Variants in RIMS2 observed in about 807,000 individuals in gnomAD.
The protein encoded by RIMS2 is regulating synaptic membrane exocytosis 2.
RIMS2 carries 59 observed loss-of-function variants against 174.4 expected under a neutral mutation model. The ratio of observed to expected loss-of-function variants is 0.34; its 90% CI spans 0.27 to 0.42. The LOEUF (loss-of-function observed/expected upper bound fraction) is 0.42, where lower values mean the gene tolerates loss of function less well. RIMS2 is among the 10% of genes least tolerant of loss of function. The pLI, the probability that RIMS2 is intolerant of heterozygous loss-of-function variation, is 1.00. For missense variants in RIMS2, 1,620 were observed against 1,666.3 expected, an observed-to-expected ratio of 0.97 and a Z score of 0.48; for synonymous variants, 606 against 572.5, an observed-to-expected ratio of 1.06 and a Z score of -0.84.
At chr8:103,711,430 T>C (rs2097301980) in intron 2 of RIMS2, among the ~76,000 whole-genome samples, 2 of 152,242 alleles carry the variant, frequency 1.3e-5, no homozygotes, top group African/African-American at 4.8e-5. Context: ...GATGGCCATT[T>C]GTGAATCATT....
intron 1 of RIMS2, among the ~76,000 whole-genome samples, chr8:103,602,562 G>C (rs1284395450): frequency 6.6e-6 from 1 of 152,104 alleles, no homozygotes; most frequent in Non-Finnish European, 1.5e-5. Flanking sequence ...GCAGTATTTG[G>C]CTTTCTGTTC....
chr8:104,010,684 A>G (rs2095731754), intron 17 of RIMS2, among the ~76,000 whole-genome samples: 1 of 152,174 alleles, frequency 6.6e-6, no homozygotes, highest in South Asian at 2.1e-4. Flanking sequence ...AACTATTCAA[A>G]AAATGTAACA....
chr8:103,728,305 A>C (rs77816374), intron 2 of RIMS2, among the ~76,000 whole-genome samples: 1 of 152,092 alleles, frequency 6.6e-6, no homozygotes, highest in African/African-American at 2.4e-5. Context: ...AACTTTACTG[A>C]ATTTATCAGT....
chr8:104,166,736 A>G (rs948800537), intron 19 of RIMS2, among the ~76,000 whole-genome samples: 4 of 151,472 alleles, frequency 2.6e-5, no homozygotes, highest in Admixed American at 6.6e-5. Flanking sequence ...TTATAACTGT[A>G]TAAATATTTA....
chr8:103,791,540 A>G (rs1383208840), intron 3 of RIMS2, among the ~76,000 whole-genome samples: 2 of 152,184 alleles, frequency 1.3e-5, no homozygotes, highest in Non-Finnish European at 2.9e-5. Flanking sequence ...AGCTAACATC[A>G]TAATGACAGG....
At chr8:104,059,918 T>G (rs201487848) in intron 19 of RIMS2, among the ~76,000 whole-genome samples, 2 of 152,152 alleles carry the variant, frequency 1.3e-5, no homozygotes, top group African/African-American at 2.4e-5. Flanking sequence ...CAGGGATGAA[T>G]CCCACTTGGT....
At chr8:104,062,633 G>T (rs1281436917) in intron 19 of RIMS2, among the ~76,000 whole-genome samples, 1 of 151,984 alleles carries the variant, frequency 6.6e-6, no homozygotes, top group African/African-American at 2.4e-5. Context: ...ATCTGTAATT[G>T]CCACCTTTAG....
At chr8:103,789,332 T>C (rs1212661646) in intron 3 of RIMS2, among the ~76,000 whole-genome samples, 2 of 152,172 alleles carry the variant, frequency 1.3e-5, no homozygotes, top group Admixed American at 1.3e-4. Flanking sequence ...AGAGGGTGTC[T>C]ATGCTGTTTG....
chr8:103,997,606 A>G (rs1432954720), intron 17 of RIMS2, among the ~76,000 whole-genome samples: 1 of 151,844 alleles, frequency 6.6e-6, no homozygotes, highest in Middle Eastern at 3.4e-3. Flanking sequence ...AATAGCATGT[A>G]ATACATAATA....
At chr8:104,115,173 A>C (rs57309489) in intron 19 of RIMS2, among the ~76,000 whole-genome samples, 5 of 151,978 alleles carry the variant, frequency 3.3e-5, no homozygotes, top group African/African-American at 1.2e-4. Flanking sequence ...AATAAATTGC[A>C]TAGGAATAAC....
chr8:103,909,912 A>T (rs1022512242), intron 4 of RIMS2, among the ~76,000 whole-genome samples: 1 of 151,764 alleles, frequency 6.6e-6, no homozygotes. Flanking sequence ...CTGTCTAGAG[A>T]TATAAACTTT....
At chr8:104,191,281 T>A (rs2136377970) in intron 19 of RIMS2, among the ~76,000 whole-genome samples, 1 of 152,222 alleles carries the variant, frequency 6.6e-6, no homozygotes, top group Admixed American at 6.5e-5. Context: ...GCTTCTGAAA[T>A]GGAGACTCTT....
At chr8:103,829,195 C>G (rs1179172052) in intron 3 of RIMS2, among the ~76,000 whole-genome samples, 1 of 149,992 alleles carries the variant, frequency 6.7e-6, no homozygotes, top group Non-Finnish European at 1.5e-5. Flanking sequence ...GAATGAGATA[C>G]CATCTCACAC....
At chr8:103,633,539 G>T (rs187164895) in intron 1 of RIMS2, among the ~76,000 whole-genome samples, 79 of 152,190 alleles carry the variant, frequency 5.2e-4, no homozygotes, top group Admixed American at 3.6e-3. Flanking sequence ...TCAAGATGAT[G>T]CTGGCCTCAC....
At chr8:103,761,161 C>T (rs2098108858) in intron 2 of RIMS2, among the ~76,000 whole-genome samples, 1 of 152,012 alleles carries the variant, frequency 6.6e-6, no homozygotes, top group Non-Finnish European at 1.5e-5. Context: ...TCAAGCTAAC[C>T]CACATTACTT....
At chr8:103,910,408 T>A (rs1442547936) in intron 5 of RIMS2, 2 of 1,596,970 alleles carry the variant, frequency 1.3e-6, no homozygotes, top group East Asian at 4.5e-5. Flanking sequence ...AAGGAAATGA[T>A]GTACTTTGGT....
chr8:103,877,323 G>C (rs979794586), intron 3 of RIMS2, among the ~76,000 whole-genome samples: 1 of 151,744 alleles, frequency 6.6e-6, no homozygotes, highest in Non-Finnish European at 1.5e-5. Flanking sequence ...TTTTTCATAT[G>C]TCTGTTGGCC....
At chr8:103,585,918 TAA>T (rs34443811) in intron 1 of RIMS2, among the ~76,000 whole-genome samples, 9 of 140,314 alleles carry the variant, frequency 6.4e-5, no homozygotes, top group African/African-American at 1.6e-4. Flanking sequence ...CATCAATCAT[TAA>T]AAAAAAAAAA....
chr8:104,169,233 C>T (rs1039469850), intron 19 of RIMS2, among the ~76,000 whole-genome samples: 1 of 148,256 alleles, frequency 6.7e-6, no homozygotes, highest in African/African-American at 2.5e-5. Flanking sequence ...AGGATTGGTA[C>T]CAATTTGTCT....
Sources: gnomAD v4.1 joint callset for allele counts (sites outside exome capture counted in the v4.1 genomes callset) on GRCh38, gnomAD v4.1.1 for gene constraint, MANE v1.5 for transcripts, NCBI Gene and HGNC (gene_info 2026-07-23, HGNC 2026-07-21) for gene names.